The following MERTK variants were observed in gnomAD, a reference collection of about 807,000 sequenced individuals.
The protein encoded by MERTK is MER proto-oncogene, tyrosine kinase, also known as tyrosine-protein kinase Mer.
MERTK carries 69 observed loss-of-function variants against 99.3 expected under a neutral mutation model. The ratio of observed to expected loss-of-function variants is 0.70; its 90% CI spans 0.57 to 0.85. The LOEUF (loss-of-function observed/expected upper bound fraction) is 0.85, where lower values mean the gene tolerates loss of function less well. Among genes scored for constraint, MERTK ranks in the 40% least tolerant of loss-of-function variants. The pLI is 0.00. For synonymous variants in MERTK, 426 were observed against 467.6 expected (o/e 0.91, Z 1.15); for missense variants, 1,125 against 1,249.4 (o/e 0.90, Z 1.50).
intron 7 of MERTK, among the ~76,000 whole-genome samples, chr2:111,981,765 A>T (rs1244688676): frequency 6.6e-6 from 1 of 151,518 alleles, no homozygotes; most frequent in African/African-American, 2.4e-5. Context: ...ACACACACAC[A>T]CTTTTTAAAT....
At chr2:111,965,630 T>A (rs1427411181) in intron 5 of MERTK, among the ~76,000 whole-genome samples, 1 of 152,178 alleles carries the variant, frequency 6.6e-6, no homozygotes, top group Non-Finnish European at 1.5e-5. Context: ...CACTTTTCCC[T>A]CTTCCACCGT....
In MERTK at chr2:112,008,931, G is replaced by C. The variant is rs76679928; in HGVS notation, c.1960+456G>C. On this transcript the variant is annotated intron_variant, in intron 14 of 18. Coordinates refer to ENST00000295408, the MANE Select transcript of MERTK (RefSeq NM_006343.3). ...TTTCTTAAGATCATGATACATTGAT[G>C]ATTTCATGGAATATGATTTAACAGT... The C allele has an allele frequency of 8.5e-3, 2,114 of 248,938 alleles. 15 individuals are homozygous for C. Among genetic ancestry groups the C allele is most frequent in the Non-Finnish European group, 9.9e-3 (1,243 of 125,624 alleles). The allele number at this position is 248,938 out of a possible 1,614,324, so 15.4% of individuals were successfully genotyped here. A position where few individuals can be genotyped will look rare whatever the true frequency, so the allele number is the denominator to read the frequency against.
At chr2:111,954,279 G>A (rs1047952219) in intron 4 of MERTK, among the ~76,000 whole-genome samples, 1 of 152,170 alleles carries the variant, frequency 6.6e-6, no homozygotes, top group Non-Finnish European at 1.5e-5. Flanking sequence ...TTCTTGCCAA[G>A]CTGCCTTCTC....
chr2:111,936,715 C>T lies in MERTK; in HGVS notation c.482+7175C>T, dbSNP rs911769695. Among the ~76,000 whole-genome samples, 6 of 152,148 alleles carry T rather than the reference C, an allele frequency of 3.9e-5. No individual in the cohort carries two copies. The South Asian group carries it at 1.0e-3, about 26-fold the overall frequency. On this transcript the variant is annotated intron_variant, in intron 2 of 18. Transcript: ENST00000295408. ...CTTGAGTCAGTGGGCTGGGCCTCCT[C>T]CTTGGTGCTGTAGCCACTAACCTGC...
chr2:112,005,381 T>C (rs1676960067), intron 13 of MERTK, among the ~76,000 whole-genome samples: 1 of 152,208 alleles, frequency 6.6e-6, no homozygotes, highest in Non-Finnish European at 1.5e-5. Flanking sequence ...TTAAAATCTA[T>C]ATAGTTAAGG....
At chr2:111,957,468 C>T (rs995771026) in intron 4 of MERTK, among the ~76,000 whole-genome samples, 2 of 152,082 alleles carry the variant, frequency 1.3e-5, no homozygotes, top group Admixed American at 6.6e-5. Context: ...TCTGATACCC[C>T]CCCGCCCATC....
At chr2:111,994,787 A>T in intron 9 of MERTK, 1 of 182,686 alleles carries the variant, frequency 5.5e-6, no homozygotes, top group Non-Finnish European at 1.1e-5. Context: ...CAAAAAAAGA[A>T]AAAAAAAAAA....
At chr2:111,958,838 T>A (rs1685195446) in intron 4 of MERTK, among the ~76,000 whole-genome samples, 2 of 152,118 alleles carry the variant, frequency 1.3e-5, no homozygotes, top group Non-Finnish European at 2.9e-5. Flanking sequence ...TATAACTGGA[T>A]AATGGATCTC....
intron 1 of MERTK, among the ~76,000 whole-genome samples, chr2:111,921,728 T>A (rs28637361): frequency 5.3e-5 from 8 of 151,940 alleles, no homozygotes; most frequent in Admixed American, 2.0e-4. Flanking sequence ...GCCCTCACTC[T>A]TTTGCAGCCT....
intron 2 of MERTK, 139 bp downstream of exon 2, chr2:111,929,679 T>C (rs947109821): frequency 1.8e-5 from 11 of 616,930 alleles, no homozygotes; most frequent in Non-Finnish European, 2.7e-5. Flanking sequence ...CTCCACCTCC[T>C]GAGTTCAAAC....
intron 5 of MERTK, 121 bp downstream of exon 5, chr2:111,965,398 G>A (rs564967131): frequency 1.1e-6 from 1 of 927,080 alleles, no homozygotes; most frequent in African/African-American, 1.6e-5. Flanking sequence ...GGTTCTTTGT[G>A]ACCTTGGACA....
Position 111,920,382 on chromosome 2 carries a change from G to C in MERTK, c.62-8738G>C, listed in dbSNP as rs77906182. Among the ~76,000 whole-genome samples, 91 of 152,212 alleles carry C rather than the reference G, an allele frequency of 6.0e-4. No individual in the cohort carries two copies. The East Asian group carries it at 0.017, about 29-fold the overall frequency. On this transcript the variant is annotated intron_variant, in intron 1 of 18. Transcript: ENST00000295408. Reference sequence around the variant, plus strand: ...CTGTTCTCTCCAGCACTGACTCAGAGCCAGCCACCCGCTTTCTCTTGCAGG... The same window carrying C: ...CTGTTCTCTCCAGCACTGACTCAGACCCAGCCACCCGCTTTCTCTTGCAGG...
intron 8 of MERTK, among the ~76,000 whole-genome samples, chr2:111,983,974 A>G (rs1676422694): frequency 3.3e-5 from 5 of 152,220 alleles, no homozygotes. Flanking sequence ...TTGAACATGT[A>G]TGTATAGAAG....
In MERTK at chr2:112,008,467, G is replaced by A. The variant is rs751612086; in HGVS notation, c.1952G>A (p.Arg651Gln). The A allele has an allele frequency of 5.6e-6, 9 of 1,613,500 alleles. No homozygotes were observed. Among genetic ancestry groups the A allele is most frequent in the South Asian group, 2.2e-5 (2 of 91,062 alleles). Residue 651 changes from arginine to glutamine, a missense_variant, in exon 14 of 19, where the codon CGA becomes CAA. Transcript: ENST00000295408. ...GACTTCAGCCACCCAAATGTCATTC[G>A]ACTTCTAGGTACTTCCGAGAAATGC... ...MKDFSHPNVI[R>Q]LLGVCIEMSS...
intron 1 of MERTK, among the ~76,000 whole-genome samples, chr2:111,916,141 G>A (rs374388974): frequency 6.6e-6 from 1 of 151,552 alleles, no homozygotes; most frequent in Non-Finnish European, 1.5e-5. Flanking sequence ...TTTGAAACAG[G>A]GTCTCATTCT....
intron 1 of MERTK, among the ~76,000 whole-genome samples, chr2:111,899,738 G>T (rs34983493): frequency 6.6e-6 from 1 of 151,896 alleles, no homozygotes; most frequent in Admixed American, 6.6e-5. Flanking sequence ...GGATGGTCTC[G>T]ATCTCTTGAC....
intron 7 of MERTK, among the ~76,000 whole-genome samples, chr2:111,976,409 G>A (rs1198696918): frequency 6.6e-6 from 1 of 152,166 alleles, no homozygotes; most frequent in Non-Finnish European, 1.5e-5. Flanking sequence ...GCGGGAAGAG[G>A]TCAGAGAGAT....
chr2:111,936,799 C>A (rs896063532), intron 2 of MERTK, among the ~76,000 whole-genome samples: 1 of 152,144 alleles, frequency 6.6e-6, no homozygotes, highest in African/African-American at 2.4e-5. Flanking sequence ...GGTTCCAGGA[C>A]ACTGCTTGGC....
intron 1 of MERTK, among the ~76,000 whole-genome samples, chr2:111,906,628 A>G (rs536293979): frequency 6.6e-6 from 1 of 152,226 alleles, no homozygotes; most frequent in Non-Finnish European, 1.5e-5. Context: ...TGTTCCAATT[A>G]ACGGCAGGCT....
Sources: gnomAD v4.1 joint callset for allele counts (sites outside exome capture counted in the v4.1 genomes callset) on GRCh38, gnomAD v4.1.1 for gene constraint, MANE v1.5 for transcripts, NCBI Gene and HGNC (gene_info 2026-07-23, HGNC 2026-07-21) for gene names.